PSD3: variants seen among roughly 807,000 people sequenced by gnomAD.
PSD3 encodes PH and SEC7 domain-containing protein 3.
Under a neutral mutation model 105.5 loss-of-function variants are expected in PSD3, and 49 were observed. The ratio of observed to expected loss-of-function variants is 0.46; its 90% CI spans 0.37 to 0.59. The LOEUF is 0.59. Among genes scored for constraint, PSD3 ranks in the 20% least tolerant of loss-of-function variants. The pLI, the probability that PSD3 is intolerant of heterozygous loss-of-function variation, is 0.00. For missense variants in PSD3, 1,561 were observed against 1,263.8 expected, an observed-to-expected ratio of 1.24 and a Z score of -3.57; for synonymous variants, 557 against 457.8, an observed-to-expected ratio of 1.22 and a Z score of -2.77.
At chr8:18,576,383 T>C (rs1238759904) in intron 12 of PSD3, among the ~76,000 whole-genome samples, 1 of 152,106 alleles carries the variant, frequency 6.6e-6, no homozygotes, top group Non-Finnish European at 1.5e-5. Context: ...CCTCCCAGGA[T>C]AAGAAGTGCT....
intron 4 of PSD3, among the ~76,000 whole-genome samples, chr8:18,859,264 T>G: frequency 6.8e-6 from 1 of 147,584 alleles, no homozygotes; most frequent in East Asian, 2.0e-4. Flanking sequence ...TAGGTCTTAA[T>G]AGTGGGCTTA....
chr8:18,722,902 A>G (rs1803094133), intron 9 of PSD3, among the ~76,000 whole-genome samples: 1 of 152,168 alleles, frequency 6.6e-6, no homozygotes, highest in African/African-American at 2.4e-5. Context: ...CGAACCCCAC[A>G]ATGAGCAACA....
chr8:18,632,908 T>C (rs1396380863), intron 10 of PSD3, 102 bp from the exon 11 acceptor site: 6 of 893,842 alleles, frequency 6.7e-6, no homozygotes. Context: ...CAATGGTGTA[T>C]CACTTTTTAT....
chr8:18,720,478 A>G (rs1802894181), intron 9 of PSD3, among the ~76,000 whole-genome samples: 1 of 152,190 alleles, frequency 6.6e-6, no homozygotes, highest in Non-Finnish European at 1.5e-5. Context: ...GCAAACCTCT[A>G]TCCATATCCT....
At chr8:18,992,814 T>TTCCC (rs1825875577) in intron 1 of PSD3, among the ~76,000 whole-genome samples, 1 of 151,622 alleles carries the variant, frequency 6.6e-6, no homozygotes, top group Non-Finnish European at 1.5e-5. Flanking sequence ...TTCATTTTCT[T>TTCCC]TCTGTTTCCT....
intron 9 of PSD3, among the ~76,000 whole-genome samples, chr8:18,745,700 G>A (rs1804957182): frequency 6.6e-6 from 1 of 152,084 alleles, no homozygotes; most frequent in South Asian, 2.1e-4. Flanking sequence ...AGATCCGCTC[G>A]GCAGGCAGAG....
At chr8:18,557,457 T>C (rs1169909339) in intron 14 of PSD3, 7 of 154,002 alleles carry the variant, frequency 4.5e-5, no homozygotes, top group Non-Finnish European at 4.4e-5. Context: ...GCGTCACATA[T>C]AATATCTTAC....
At chr8:19,045,287 C>T (rs964218934) in intron 1 of PSD3, among the ~76,000 whole-genome samples, 1 of 152,148 alleles carries the variant, frequency 6.6e-6, no homozygotes, top group Admixed American at 6.6e-5. Context: ...TTATTTCTTA[C>T]AGTCAGTAAA....
At chr8:18,735,786 T>C (rs1295742647) in intron 9 of PSD3, among the ~76,000 whole-genome samples, 2 of 152,172 alleles carry the variant, frequency 1.3e-5, no homozygotes, top group African/African-American at 4.8e-5. Context: ...CAACAGTTCT[T>C]CAAATAATTT....
In PSD3 at chr8:18,872,592, T is replaced by C; in HGVS notation, c.272A>G (p.Gln91Arg). 2 of 1,614,150 alleles carry C rather than the reference T, an allele frequency of 1.2e-6. No homozygotes were observed. Among genetic ancestry groups the C allele is most frequent in the Non-Finnish European group, 1.7e-6 (2 of 1,180,026 alleles). ...GCCAGTAAGAGGCTGGACACCCTGC[T>C]GCTCTTGTGGGTGGCATGGCAGAGC... The part of the protein sequence containing the change: ...GEALPCHPQE[Q>R]QGVQPLTGCH... Residue 91 changes from glutamine to arginine, a missense_variant, in exon 3 of 16, where the codon CAG (glutamine) becomes CGG (arginine). Gln to Arg is a conservative substitution (Grantham distance 43, BLOSUM62 1). Transcript: ENST00000327040.
At chr8:18,646,384 G>C (rs1585487866) in intron 10 of PSD3, among the ~76,000 whole-genome samples, 1 of 151,912 alleles carries the variant, frequency 6.6e-6, no homozygotes, top group South Asian at 2.1e-4. Context: ...AATGTAGTAA[G>C]TCATTGCAAA....
chr8:19,051,310 C>T (rs1469342144), intron 1 of PSD3, among the ~76,000 whole-genome samples: 1 of 152,106 alleles, frequency 6.6e-6, no homozygotes, highest in African/African-American at 2.4e-5. Context: ...GAAGGCTTTC[C>T]TGCTTTCTGG....
intron 12 of PSD3, among the ~76,000 whole-genome samples, chr8:18,585,773 T>C (rs1361516951): frequency 6.6e-6 from 1 of 152,184 alleles, no homozygotes; most frequent in Non-Finnish European, 1.5e-5. Flanking sequence ...AATCATTTCT[T>C]TATATCAACC....
chr8:19,074,263 C>T (rs1325850504), intron 1 of PSD3, among the ~76,000 whole-genome samples: 1 of 152,140 alleles, frequency 6.6e-6, no homozygotes, highest in Non-Finnish European at 1.5e-5. Context: ...GGTGTTTCTG[C>T]TGTCTCTTAG....
intron 9 of PSD3, among the ~76,000 whole-genome samples, chr8:18,743,172 A>C (rs573033567): frequency 6.6e-6 from 1 of 152,310 alleles, no homozygotes; most frequent in East Asian, 1.9e-4. Flanking sequence ...ACTGAAAATC[A>C]ACTGGCCAAA....
chr8:18,740,758 A>C (rs1804508361), intron 9 of PSD3, among the ~76,000 whole-genome samples: 1 of 152,134 alleles, frequency 6.6e-6, no homozygotes, highest in Non-Finnish European at 1.5e-5. Flanking sequence ...CTCATATTCA[A>C]ATGAACAAAT....
intron 2 of PSD3, among the ~76,000 whole-genome samples, chr8:18,876,898 T>G (rs1474796355): frequency 1.3e-5 from 2 of 152,248 alleles, no homozygotes; most frequent in African/African-American, 2.4e-5. Flanking sequence ...GGTATCTCAC[T>G]GTGATTCTCA....
At chr8:18,988,144 G>T (rs1335466076) in intron 1 of PSD3, among the ~76,000 whole-genome samples, 1 of 151,614 alleles carries the variant, frequency 6.6e-6, no homozygotes, top group Non-Finnish European at 1.5e-5. Flanking sequence ...AATAAGTTAG[G>T]TGTATAAAGG....
chr8:18,617,327 T>C (rs1805771001), intron 11 of PSD3, among the ~76,000 whole-genome samples: 1 of 152,132 alleles, frequency 6.6e-6, no homozygotes, highest in Non-Finnish European at 1.5e-5. Flanking sequence ...GGTAAGGGGT[T>C]CGAGACCAAC....
Sources: allele counts gnomAD v4.1 joint callset (sites outside exome capture counted in the v4.1 genomes callset), GRCh38; gene constraint gnomAD v4.1.1; transcripts MANE v1.5; gene names NCBI Gene and HGNC (gene_info 2026-07-23, HGNC 2026-07-21).